Variants in RSBN1 observed in about 807,000 individuals in gnomAD.
RSBN1 encodes the protein round spermatid basic protein 1, also known as lysine-specific demethylase 9.
In RSBN1, 23 loss-of-function variants were observed where a neutral mutation model predicts 74.8. The ratio of observed to expected loss-of-function variants is 0.31; its 90% confidence interval spans 0.22 to 0.44. The LOEUF (loss-of-function observed/expected upper bound fraction) is 0.44. RSBN1 is among the 20% of genes least tolerant of loss of function. The probability of loss-of-function intolerance (pLI) is 1.00; values close to 1 mark genes in which losing one functional copy is unlikely to be tolerated. For synonymous variants in RSBN1, 407 were observed against 379.6 expected (o/e 1.07, Z -0.84); for missense variants, 808 against 1,020.9 (o/e 0.79, Z 2.84).
chr1:113,811,491 A>C (rs1660844939), intron 1 of RSBN1, among the ~76,000 whole-genome samples: 1 of 152,208 alleles, frequency 6.6e-6, no homozygotes, highest in African/African-American at 2.4e-5. Context: ...GGACCGGTAA[A>C]GGGATTAGCA....
At position 113,777,651 on chromosome 1, in the gene RSBN1, T is replaced by C. The variant is rs564659823; in HGVS notation, c.1515+20A>G. ...ACTTAAGTAAAGATCAAAACTTTAA[T>C]AATCTTAATTAACACTCACTTTCAG... On this transcript the variant is annotated intron_variant, in intron 3 of 6. Transcript: ENST00000261441. The C allele has an allele frequency of 4.4e-6, 7 of 1,598,746 alleles. No individual in the cohort carries two copies. The Admixed American group carries it at 1.2e-4, about 27-fold the overall frequency.
intron 5 of RSBN1, 51 bp downstream of exon 5, chr1:113,768,171 A>C (rs751244198): frequency 1.4e-6 from 2 of 1,464,262 alleles, no homozygotes; most frequent in Non-Finnish European, 1.8e-6. Flanking sequence ...TAGAGTCCAC[A>C]TTGTCTTATA....
At chr1:113,794,874 C>G (rs987508322) in intron 2 of RSBN1, among the ~76,000 whole-genome samples, 2 of 152,278 alleles carry the variant, frequency 1.3e-5, no homozygotes. Context: ...TAAGTGCTTG[C>G]TGAATAAACT....
rs749577489 is a variant in RSBN1 at position 113,764,406 on chromosome 1, G to GT, written c.*1573dup. 2.0e-5 allele frequency: 3 copies of GT among 152,624 alleles called. No individual in the cohort carries two copies. The highest frequency in any genetic ancestry group is 4.4e-5 in the Non-Finnish European group (3 of 68,010). 9.5% of individuals were successfully genotyped at this position (152,624 alleles called of 1,614,324 possible). On this transcript the variant is annotated 3_prime_UTR_variant, in exon 7 of 7. Coordinates refer to ENST00000261441, the MANE Select transcript of RSBN1 (RefSeq NM_018364.5). ...ATACAGATTCTAACTAATCACTGCA[G>GT]TATTTGCTGATGGTTACTTTTCTAT... is the stretch of plus-strand genomic sequence containing the variant.
rs564535980 is a variant in RSBN1 at position 113,776,150 on chromosome 1, G to T, written c.1658+1060C>A. The stretch of plus-strand genomic sequence containing the variant: ...ATGTTAGCACAATATGAATTACTGA[G>T]GCTCGGTCCTATAGAACATTATTGG... On this transcript the variant is annotated intron_variant, in intron 4 of 6. Transcript: ENST00000261441. 5.9e-5 allele frequency among the ~76,000 whole-genome samples: 9 copies of T among 152,288 alleles called. No individual in the cohort carries two copies. In the South Asian group the frequency reaches 6.2e-4, roughly 11 times the overall value.
At position 113,764,697 on chromosome 1, in the gene RSBN1, T is replaced by G. The variant is rs1335493302; in HGVS notation, c.*1283A>C. On this transcript the variant is annotated 3_prime_UTR_variant, in exon 7 of 7. Coordinates refer to ENST00000261441, the MANE Select transcript of RSBN1 (RefSeq NM_018364.5). ...AAAAAAAAAAATCTCCAAATTGCAC[T>G]GTAACCAGGGAGATATAAGAATCTG... 6.6e-6 allele frequency: 1 copy of G among 151,154 alleles called. No individual in the cohort carries two copies. The highest frequency in any genetic ancestry group is 1.5e-5 in the Non-Finnish European group (1 of 67,790). The allele number at this position is 151,154 out of a possible 1,614,324, so 9.4% of individuals were successfully genotyped here.
intron 6 of RSBN1, 78 bp from the exon 7 acceptor site, chr1:113,766,531 C>T: frequency 3.4e-6 from 3 of 887,166 alleles, no homozygotes; most frequent in Non-Finnish European, 5.2e-6. Context: ...CAAAGGAAAA[C>T]AGTAGAAACA....
At chr1:113,778,677 G>A (rs957929635) in intron 2 of RSBN1, among the ~76,000 whole-genome samples, 2 of 152,020 alleles carry the variant, frequency 1.3e-5, no homozygotes, top group Non-Finnish European at 2.9e-5. Flanking sequence ...TGCCCAATCT[G>A]GAATGTCCTC....
At chr1:113,810,384 A>AACAC (rs113663525) in intron 1 of RSBN1, among the ~76,000 whole-genome samples, 2,936 of 146,688 alleles carry the variant, frequency 0.02, 29 homozygotes, top group South Asian at 0.031. Flanking sequence ...GTACAGTTAA[A>AACAC]ACACACACAC....
chr1:113,767,718 A>G (rs529074920), intron 5 of RSBN1, among the ~76,000 whole-genome samples: 1 of 152,316 alleles, frequency 6.6e-6, no homozygotes, highest in South Asian at 2.1e-4. Context: ...GGTAGAAGCA[A>G]CCCAAGTGTC....
chr1:113,794,524 A>C (rs1660432598), intron 2 of RSBN1, among the ~76,000 whole-genome samples: 1 of 152,102 alleles, frequency 6.6e-6, no homozygotes, highest in South Asian at 2.1e-4. Flanking sequence ...TTGCCATGTC[A>C]ATCTATTTGT....
At chr1:113,776,748 T>C (rs1038108481) in intron 4 of RSBN1, among the ~76,000 whole-genome samples, 2 of 139,354 alleles carry the variant, frequency 1.4e-5, no homozygotes, top group Non-Finnish European at 3.0e-5. Context: ...AGTTCAAGAA[T>C]ACAGTGAGCT....
Position 113,765,936 on chromosome 1 carries a change from T to C in RSBN1, c.*44A>G. ...CCAGTTATAAAACTATAACTTCACA[T>C]CAAAATTTAAAAAAGTTAAAAAATG... On this transcript the variant is annotated 3_prime_UTR_variant, in exon 7 of 7. Coordinates refer to ENST00000261441, the MANE Select transcript of RSBN1 (RefSeq NM_018364.5). 6.8e-7 allele frequency: 1 copy of C among 1,470,540 alleles called. No homozygotes were observed. The highest frequency in any genetic ancestry group is 1.3e-5 in the South Asian group (1 of 79,488). 91.1% of individuals were successfully genotyped at this position (1,470,540 alleles called of 1,614,324 possible). A position where few individuals can be genotyped will look rare whatever the true frequency, so the allele number is the denominator to read the frequency against.
At position 113,765,845 on chromosome 1, in the gene RSBN1, T is replaced by C. The variant is rs937211596; in HGVS notation, c.*135A>G. On this transcript the variant is annotated 3_prime_UTR_variant, in exon 7 of 7. Transcript: ENST00000261441. ...CTGTGTAAAAAAGATATGCTTGACATTTGTGGAATGTCATTTCTCTTTATA... is the reference window on the plus strand; with the variant it reads ...CTGTGTAAAAAAGATATGCTTGACACTTGTGGAATGTCATTTCTCTTTATA... 1.5e-6 allele frequency: 1 copy of C among 670,324 alleles called. No homozygotes were observed. The highest frequency in any genetic ancestry group is 2.5e-6 in the Non-Finnish European group (1 of 401,094). 41.5% of individuals were successfully genotyped at this position (670,324 alleles called of 1,614,324 possible).
intron 4 of RSBN1, among the ~76,000 whole-genome samples, chr1:113,775,683 A>G (rs1452982041): frequency 2.0e-5 from 3 of 152,160 alleles, no homozygotes; most frequent in Non-Finnish European, 4.4e-5. Flanking sequence ...TATAAAAATC[A>G]GGAAACAAAT....
At chr1:113,768,105 G>A (rs901092572) in intron 5 of RSBN1, 117 bp downstream of exon 5, 2 of 824,984 alleles carry the variant, frequency 2.4e-6, no homozygotes, top group African/African-American at 1.7e-5. Context: ...GGTTAAGATG[G>A]CAAACTTTAT....
At chr1:113,782,350 A>T (rs1159121378) in intron 2 of RSBN1, among the ~76,000 whole-genome samples, 3 of 152,240 alleles carry the variant, frequency 2.0e-5, no homozygotes, top group African/African-American at 7.2e-5. Flanking sequence ...ATAGATTTGG[A>T]AATTGTCTAT....
intron 4 of RSBN1, among the ~76,000 whole-genome samples, chr1:113,775,273 C>CA (rs1424802748): frequency 3.9e-5 from 6 of 152,116 alleles, no homozygotes; most frequent in Non-Finnish European, 8.8e-5. Flanking sequence ...GATCCGCCTG[C>CA]CTTGGCCTCC....
chr1:113,792,838 A>G (rs1350480260), intron 2 of RSBN1, among the ~76,000 whole-genome samples: 13 of 152,148 alleles, frequency 8.5e-5, no homozygotes. Flanking sequence ...GGGGAAGGGG[A>G]AGGGAGGAAG....
Sources: gnomAD v4.1 joint callset for allele counts (sites outside exome capture counted in the v4.1 genomes callset) on GRCh38, gnomAD v4.1.1 for gene constraint, MANE v1.5 for transcripts, NCBI Gene and HGNC (gene_info 2026-07-23, HGNC 2026-07-21) for gene names.